The following SESN1 variants were observed in gnomAD, a reference collection of about 807,000 sequenced individuals.
The protein encoded by SESN1 is sestrin 1.
In SESN1, 30 loss-of-function variants were observed where a neutral mutation model predicts 59.3. The observed-to-expected ratio is 0.51, with a 90% CI of 0.38 to 0.69. The LOEUF (loss-of-function observed/expected upper bound fraction) is 0.69. Ranked by LOEUF, SESN1 falls within the 30% of genes least tolerant of loss-of-function variation. The probability of loss-of-function intolerance (pLI) is 0.00; values close to 1 mark genes in which losing one functional copy is unlikely to be tolerated. For synonymous variants in SESN1, 197 were observed against 219.9 expected, an observed-to-expected ratio of 0.90 and a Z score of 0.92; for missense variants, 566 against 673.0, an observed-to-expected ratio of 0.84 and a Z score of 1.76.
In SESN1 at chr6:109,013,823, G is replaced by C. The variant is rs1779895476; in HGVS notation, c.280-11480C>G. 2.0e-5 allele frequency among the ~76,000 whole-genome samples: 3 copies of C among 152,206 alleles called. No homozygotes were observed. The South Asian group carries it at 6.2e-4, about 32-fold the overall frequency. On this transcript the variant is annotated intron_variant, in intron 1 of 9. Coordinates refer to ENST00000436639, the MANE Select transcript of SESN1 (RefSeq NM_014454.3). ...AAACGTTTCATTTAGAACAAATGCT[G>C]GTTTATAAGACTACTTCTGCTTACT...
chr6:109,000,558 T>C lies in SESN1; in HGVS notation c.662A>G (p.Gln221Arg), dbSNP rs2114304239. Residue 221 changes from glutamine to arginine, a missense_variant, in exon 4 of 10, where the codon CAG becomes CGG. By Grantham distance (43) the Gln-to-Arg change is conservative. Transcript: ENST00000436639. ...CACTTTGTTAAGTTCTCCTAAATTC[T>C]GTAGTTTTTGAGGAGCATTCTCTAA... The part of the protein sequence containing the change: ...NGLENAPQKL[Q>R]NLGELNKVLA... 6.2e-7 allele frequency: 1 copy of C among 1,611,848 alleles called. No homozygotes were observed. The highest frequency in any genetic ancestry group is 8.5e-7 in the Non-Finnish European group (1 of 1,178,784).
chr6:108,988,473 T>C, intron 9 of SESN1, 70 bp downstream of exon 9: 3 of 1,359,492 alleles, frequency 2.2e-6, no homozygotes, highest in Middle Eastern at 1.9e-4. Flanking sequence ...TTCAGCACCA[T>C]TAGGTTAGGT....
chr6:109,089,367 T>C (rs2114483057), intron 1 of SESN1, among the ~76,000 whole-genome samples: 1 of 152,330 alleles, frequency 6.6e-6, no homozygotes, highest in South Asian at 2.1e-4. Context: ...TATATGACAT[T>C]AAGAAGTTTA....
chr6:109,052,107 C>A (rs1780551453), intron 1 of SESN1, among the ~76,000 whole-genome samples: 1 of 152,264 alleles, frequency 6.6e-6, no homozygotes, highest in South Asian at 2.1e-4. Flanking sequence ...AGTTTCAAAC[C>A]AAAGTCAGAC....
At chr6:109,009,532 A>T in intron 1 of SESN1, 3 of 1,170,422 alleles carry the variant, frequency 2.6e-6, no homozygotes, top group Non-Finnish European at 3.2e-6. Context: ...TCCTGGCTGC[A>T]GCGCCTCAGT....
At chr6:109,091,063 C>A (rs1388991620) in intron 1 of SESN1, among the ~76,000 whole-genome samples, 1 of 152,140 alleles carries the variant, frequency 6.6e-6, no homozygotes, top group East Asian at 1.9e-4. Flanking sequence ...GTGTGAGCCA[C>A]CCCGCCCAAC....
Position 108,985,107 on chromosome 6 carries a change from T to G in SESN1, c.*2437A>C, listed in dbSNP as rs566150279. Among the ~76,000 whole-genome samples the G allele has an allele frequency of 6.6e-6, 1 of 152,306 alleles. No homozygotes were observed. The highest frequency in any genetic ancestry group is 2.4e-5 in the African/African-American group (1 of 41,550). ...ATATGCTAGTAACATTTCTGATTCA[T>G]GTATGATATTCACATATATGAATAT... On this transcript the variant is annotated 3_prime_UTR_variant, in exon 10 of 10. Coordinates refer to ENST00000436639, the MANE Select transcript of SESN1 (RefSeq NM_014454.3).
chr6:109,011,330 CT>C (rs533084632), intron 1 of SESN1, among the ~76,000 whole-genome samples: 2 of 152,046 alleles, frequency 1.3e-5, no homozygotes, highest in Non-Finnish European at 2.9e-5. Flanking sequence ...ATTAGGATTC[CT>C]TTTTCCCCCA....
rs966581391 is a variant in SESN1, at chr6:109,004,708, T to C, written c.280-2365A>G. Among the ~76,000 whole-genome samples the C allele has an allele frequency of 7.9e-5, 12 of 152,286 alleles. 1 individual carries two copies. Among genetic ancestry groups the C allele is most frequent in the Middle Eastern group, 3.4e-3 (1 of 294 alleles). Reference sequence around the variant, plus strand: ...GCCTCCCAAATGCTAGGATTACAGGTGTGAGCCACCGCACCTGACCAACAA... The same window carrying C: ...GCCTCCCAAATGCTAGGATTACAGGCGTGAGCCACCGCACCTGACCAACAA... On this transcript the variant is annotated intron_variant, in intron 1 of 9. Transcript: ENST00000436639.
intron 6 of SESN1, 82 bp from the exon 7 acceptor site, chr6:108,992,981 T>C: frequency 1.2e-6 from 1 of 837,680 alleles, no homozygotes; most frequent in Non-Finnish European, 2.0e-6. Flanking sequence ...AAAAATGGCA[T>C]AACTCTTTCT....
chr6:109,009,745 C>T (rs1224556433), intron 1 of SESN1, among the ~76,000 whole-genome samples: 1 of 152,092 alleles, frequency 6.6e-6, no homozygotes, highest in Non-Finnish European at 1.5e-5. Flanking sequence ...CCCAGGTTCC[C>T]CACGAACAGC....
chr6:109,054,054 G>C (rs947086236), intron 1 of SESN1, among the ~76,000 whole-genome samples: 2 of 151,790 alleles, frequency 1.3e-5, no homozygotes, highest in East Asian at 3.9e-4. Context: ...TTGTTGGCAA[G>C]ACATTTCTTT....
intron 1 of SESN1, among the ~76,000 whole-genome samples, chr6:109,006,225 TCCTTA>T (rs1159249289): frequency 1.3e-5 from 2 of 152,220 alleles, no homozygotes; most frequent in East Asian, 1.9e-4. Context: ...CTTAGATTAA[TCCTTA>T]CCTTAATCTA....
rs914481609 is a variant in SESN1, at chr6:109,032,550, G to A, written c.280-30207C>T. On this transcript the variant is annotated intron_variant, in intron 1 of 9. Transcript: ENST00000436639. ...GGAGAATCGCTTGAACCCAGGAGGC[G>A]GAGGTTGCAATGAGCCGAGATTGGG... Among the ~76,000 whole-genome samples the A allele has an allele frequency of 3.3e-5, 5 of 151,948 alleles. No individual in the cohort carries two copies. In the East Asian group the frequency reaches 5.8e-4, roughly 18 times the overall value.
At chr6:109,087,770 A>AT (rs1170286714) in intron 1 of SESN1, among the ~76,000 whole-genome samples, 1 of 152,238 alleles carries the variant, frequency 6.6e-6, no homozygotes, top group Non-Finnish European at 1.5e-5. Flanking sequence ...AATCTGTTAT[A>AT]TTTTATAGCC....
chr6:109,040,284 T>C (rs993908323), intron 1 of SESN1, among the ~76,000 whole-genome samples: 2 of 152,200 alleles, frequency 1.3e-5, no homozygotes, highest in Non-Finnish European at 2.9e-5. Flanking sequence ...TTTTATTATA[T>C]TTAAATACAC....
chr6:109,031,386 G>A (rs1780180003), intron 1 of SESN1, among the ~76,000 whole-genome samples: 1 of 152,124 alleles, frequency 6.6e-6, no homozygotes, highest in African/African-American at 2.4e-5. Flanking sequence ...AAGAGGTAGT[G>A]CTACCATTCC....
chr6:109,082,710 T>G (rs1009999770), intron 1 of SESN1, among the ~76,000 whole-genome samples: 1 of 152,196 alleles, frequency 6.6e-6, no homozygotes, highest in Admixed American at 6.6e-5. Context: ...ACACTTACAC[T>G]GGGGCAGTGG....
chr6:109,039,009 AAGAG>A (rs1376889059), intron 1 of SESN1, among the ~76,000 whole-genome samples: 1 of 149,810 alleles, frequency 6.7e-6, no homozygotes, highest in African/African-American at 2.5e-5. Context: ...GAAAAGAAGA[AAGAG>A]AAAGAAAGAA....
Sources: gnomAD v4.1 joint callset for allele counts (sites outside exome capture counted in the v4.1 genomes callset) on GRCh38, gnomAD v4.1.1 for gene constraint, MANE v1.5 for transcripts, NCBI Gene and HGNC (gene_info 2026-07-23, HGNC 2026-07-21) for gene names.